UNC119: variants seen among roughly 807,000 people sequenced by gnomAD.
UNC119 encodes the protein protein unc-119 homolog A.
A neutral mutation model predicts 22.6 loss-of-function variants in UNC119; 15 were observed. The ratio of observed to expected loss-of-function variants is 0.66; its 90% CI spans 0.44 to 1.02. UNC119 has a LOEUF of 1.02. Among genes scored for constraint, UNC119 ranks in the 50% least tolerant of loss-of-function variants. The probability of loss-of-function intolerance (pLI) is 0.00; values close to 1 mark genes in which losing one functional copy is unlikely to be tolerated. For synonymous variants in UNC119, 138 were observed against 139.4 expected (o/e 0.99, Z 0.07); for missense variants, 322 against 336.0 (o/e 0.96, Z 0.33).
chr17:28,547,523 C>T (rs2070220421), intron 4 of UNC119, 114 bp from the exon 5 acceptor site: 2 of 1,584,662 alleles, frequency 1.3e-6, no homozygotes, highest in Admixed American at 1.8e-5. Context: ...TATCCCCAGC[C>T]TCTTTCTCTA....
intron 4 of UNC119, 120 bp from the exon 5 acceptor site, chr17:28,547,529 C>T: frequency 6.3e-7 from 1 of 1,585,598 alleles, no homozygotes; most frequent in East Asian, 2.3e-5. Context: ...CAGCCTCTTT[C>T]TCTACGGATG....
rs904452778 is a variant in UNC119 at position 28,552,618 on chromosome 17, G to C, written c.-61C>G. 5 of 1,425,012 alleles carry C rather than the reference G, an allele frequency of 3.5e-6. No individual in the cohort carries two copies. In the South Asian group the frequency reaches 4.1e-5, roughly 12 times the overall value. The allele number at this position is 1,425,012 out of a possible 1,614,324, so 88.3% of individuals were successfully genotyped here. A position where few individuals can be genotyped will look rare whatever the true frequency, so the allele number is the denominator to read the frequency against. On this transcript the variant is annotated 5_prime_UTR_variant, in exon 1 of 5. Transcript: ENST00000335765. The stretch of plus-strand genomic sequence containing the variant: ...CCGCTGCCTGCGCCGGCTGGAGCCG[G>C]GGGAAGTGGGAGCATCCGCAGCCCC...
intron 4 of UNC119, 52 bp from the exon 5 acceptor site, chr17:28,547,461 C>A: frequency 6.2e-7 from 1 of 1,607,754 alleles, no homozygotes; most frequent in Non-Finnish European, 8.5e-7. Context: ...TTGAGTCCCG[C>A]CACTGCAGGG....
Position 28,548,033 on chromosome 17 carries a change from G to T in UNC119, c.403C>A (p.Pro135Thr). 3 of 1,613,896 alleles carry T rather than the reference G, an allele frequency of 1.9e-6. No homozygotes were observed. The highest frequency in any genetic ancestry group is 2.5e-6 in the Non-Finnish European group (3 of 1,180,020). The change falls in exon 3 of 5, where the codon CCT becomes ACT. Residue 135 changes from proline to threonine, a missense_variant. Transcript: ENST00000335765. ...AGRFVRYQFT[P>T]AFLRLRQVGA... ...ACCTGCCTCAGGCGGAGGAAGGCAG[G>T]CGTGAACTGGTAGCGGACAAAGCGC... is the stretch of plus-strand genomic sequence containing the variant.
chr17:28,547,442 G>A (rs1469548369), intron 4 of UNC119, 33 bp from the exon 5 acceptor site: 1 of 1,611,364 alleles, frequency 6.2e-7, no homozygotes, highest in Non-Finnish European at 8.5e-7. Flanking sequence ...CCGGGCAAAG[G>A]TCAGGAGCTT....
chr17:28,548,302 C>T (rs1347480088), intron 2 of UNC119: 3 of 629,966 alleles, frequency 4.8e-6, no homozygotes, highest in East Asian at 2.8e-5. Context: ...CACTGTGCTT[C>T]CCCGGGCCAC....
Position 28,547,233 on chromosome 17 carries a change from C to T in UNC119, c.*64G>A. The T allele has an allele frequency of 6.3e-6, 10 of 1,590,738 alleles. No individual in the cohort carries two copies. The highest frequency in any genetic ancestry group is 6.9e-6 in the Non-Finnish European group (8 of 1,163,434). Reference sequence around the variant, plus strand: ...AGAGGACTTGGGGTTGAGGGGTGAGCGTTGGGGAGGTCACAGCTCCCAGCC... The same window carrying T: ...AGAGGACTTGGGGTTGAGGGGTGAGTGTTGGGGAGGTCACAGCTCCCAGCC... On this transcript the variant is annotated 3_prime_UTR_variant, in exon 5 of 5. Transcript: ENST00000335765.
chr17:28,548,637 C>G lies in UNC119; in HGVS notation c.289G>C (p.Asp97His). ...DFVRFKIRDM[D>H]SGTVLFEIKK... ...ATTTCAAAGAGGACAGTGCCTGAGTCCATGTCCCGAATCTTAAACCTGACA... is the reference window on the plus strand; with the variant it reads ...ATTTCAAAGAGGACAGTGCCTGAGTGCATGTCCCGAATCTTAAACCTGACA... The change falls in exon 2 of 5, where the codon GAC becomes CAC. Residue 97 changes from aspartate to histidine, a missense_variant. Asp to His is a moderately conservative substitution (Grantham distance 81). Transcript: ENST00000335765. 1 of 1,614,188 alleles carries G rather than the reference C, an allele frequency of 6.2e-7. No individual in the cohort carries two copies. Among genetic ancestry groups the G allele is most frequent in the South Asian group, 1.1e-5 (1 of 91,088 alleles).
intron 2 of UNC119, 162 bp from the exon 3 acceptor site, chr17:28,548,263 G>A: frequency 1.4e-6 from 1 of 696,326 alleles, no homozygotes; most frequent in Admixed American, 2.7e-5. Flanking sequence ...TGCCACCTAG[G>A]GGTTCTAGGT....
At chr17:28,548,831 G>C in intron 1 of UNC119, 126 bp from the exon 2 acceptor site, 1 of 727,278 alleles carries the variant, frequency 1.4e-6, no homozygotes, top group East Asian at 2.6e-5. Flanking sequence ...TGGAAAGAGG[G>C]ACCTCAGTCC....
intron 1 of UNC119, 120 bp downstream of exon 1, chr17:28,552,218 G>T (rs1417953379): frequency 1.1e-6 from 1 of 903,892 alleles, no homozygotes; most frequent in Non-Finnish European, 1.7e-6. Flanking sequence ...CAGGAGAGGG[G>T]ACTCGGTGGG....
At chr17:28,552,205 A>G (rs1047868418) in intron 1 of UNC119, 133 bp downstream of exon 1, 19 of 805,264 alleles carry the variant, frequency 2.4e-5, no homozygotes, top group Non-Finnish European at 3.8e-5. Context: ...AGAGCAGGGG[A>G]CACAGGAGAG....
At position 28,547,592 on chromosome 17, in the gene UNC119, T is replaced by G. The variant is rs1440337312; in HGVS notation, c.610+85A>C. 4 of 1,611,656 alleles carry G rather than the reference T, an allele frequency of 2.5e-6. No homozygotes were observed. In the African/African-American group the frequency reaches 5.4e-5, roughly 22 times the overall value. ...AGCCCCAGGGTGGGGAGAAATGGGA[T>G]CAGACCCACAAGTCCCTCTCCCTCC... On this transcript the variant is annotated intron_variant, in intron 4 of 4. Transcript: ENST00000335765.
Position 28,548,657 on chromosome 17 carries a change from C to T in UNC119, c.269G>A (p.Arg90Lys). The change falls in exon 2 of 5, where the codon AGG (arginine) becomes AAG (lysine). Residue 90 changes from arginine (R) to lysine (K), a missense_variant. Arg to Lys is a conservative substitution (Grantham distance 26). Coordinates refer to ENST00000335765, the MANE Select transcript of UNC119 (RefSeq NM_005148.4). ...EENIYKIDFV[R>K]FKIRDMDSGT... ...TGAGTCCATGTCCCGAATCTTAAACCTGACAAAGTCGATCTTGTAGATATT... is the reference window on the plus strand; with the variant it reads ...TGAGTCCATGTCCCGAATCTTAAACTTGACAAAGTCGATCTTGTAGATATT... The T allele has an allele frequency of 2.5e-6, 4 of 1,614,178 alleles. No homozygotes were observed. Among genetic ancestry groups the T allele is most frequent in the Non-Finnish European group, 3.4e-6 (4 of 1,180,028 alleles).
Position 28,548,017 on chromosome 17 carries a change from A to C in UNC119, c.419T>G (p.Leu140Arg), listed in dbSNP as rs199705690. 69 of 1,613,826 alleles carry C rather than the reference A, an allele frequency of 4.3e-5. No homozygotes were observed. Among genetic ancestry groups the C allele is most frequent in the Non-Finnish European group, 5.7e-5 (67 of 1,179,994 alleles). ...GACTCACGTGGCTCCCACCTGCCTC[A>C]GGCGGAGGAAGGCAGGCGTGAACTG... ...RYQFTPAFLR[L>R]RQVGATVEFT... The change falls in exon 3 of 5, where the codon CTG (leucine) becomes CGG (arginine). Residue 140 changes from leucine (L) to arginine (R), a missense_variant. Transcript: ENST00000335765.
At position 28,547,189 on chromosome 17, in the gene UNC119, C is replaced by T; in HGVS notation, c.*108G>A. 1.5e-6 allele frequency: 2 copies of T among 1,366,856 alleles called. No homozygotes were observed. Among genetic ancestry groups the T allele is most frequent in the African/African-American group, 1.4e-5 (1 of 69,752 alleles). The allele number at this position is 1,366,856 out of a possible 1,614,324, so 84.7% of individuals were successfully genotyped here. ...CAACATTGACTCAGGGTCCGGAGCT[C>T]CTGGAGAACTCCCCAAGCAGAGGAC... On this transcript the variant is annotated 3_prime_UTR_variant, in exon 5 of 5. Transcript: ENST00000335765.
chr17:28,548,814 T>C, intron 1 of UNC119, 109 bp from the exon 2 acceptor site: 1 of 842,938 alleles, frequency 1.2e-6, no homozygotes, highest in Non-Finnish European at 1.9e-6. Context: ...CTGGGATCAC[T>C]GCCCTCTGGA....
Position 28,547,721 on chromosome 17 carries a change from G to A in UNC119, c.566C>T (p.Thr189Ile). 2 of 1,614,220 alleles carry A rather than the reference G, an allele frequency of 1.2e-6. No homozygotes were observed. The highest frequency in any genetic ancestry group is 1.7e-6 in the Non-Finnish European group (2 of 1,180,036). The change falls in exon 4 of 5, where the codon ACC becomes ATC. Residue 189 changes from threonine to isoleucine, a missense_variant. Transcript: ENST00000335765. ...FGFCIPSSKN[T>I]CEHIYDFPPL... Reference sequence around the variant, plus strand: ...GGGGAAGTCGTAAATGTGCTCGCAGGTGTTCTTGCTGCTGGGGATGCAGAA... The same window carrying A: ...GGGGAAGTCGTAAATGTGCTCGCAGATGTTCTTGCTGCTGGGGATGCAGAA...
At chr17:28,552,011 GC>G in intron 1 of UNC119, 1 of 545,456 alleles carries the variant, frequency 1.8e-6, no homozygotes, top group Non-Finnish European at 3.6e-6. Flanking sequence ...GCCTCAAAGC[GC>G]TCTGGAGACT....
Sources: gnomAD v4.1 joint callset for allele counts on GRCh38, gnomAD v4.1.1 for gene constraint, MANE v1.5 for transcripts, NCBI Gene and HGNC (gene_info 2026-07-23, HGNC 2026-07-21) for gene names.